The following ARID1B variants were observed in gnomAD, a reference collection of about 807,000 sequenced individuals.
The protein encoded by ARID1B is AT-rich interactive domain-containing protein 1B.
In ARID1B, 30 loss-of-function variants were observed where a neutral mutation model predicts 212.3. That is an observed-to-expected ratio of 0.14 (90% confidence interval 0.11 to 0.19). The LOEUF (loss-of-function observed/expected upper bound fraction) is 0.19. ARID1B is among the 10% of genes least tolerant of loss of function. The probability of loss-of-function intolerance (pLI) is 1.00; values close to 1 mark genes in which losing one functional copy is unlikely to be tolerated. For synonymous variants in ARID1B, 1,402 were observed against 1,301.7 expected (o/e 1.08, Z -1.66); for missense variants, 2,891 against 3,204.0 (o/e 0.90, Z 2.36).
At chr6:156,935,080 A>G (rs189476289) in intron 3 of ARID1B, among the ~76,000 whole-genome samples, 437 of 151,110 alleles carry the variant, frequency 2.9e-3, no homozygotes, top group Middle Eastern at 0.01. Flanking sequence ...TGGTTGTGAT[A>G]AGCTTTTGTT....
intron 2 of ARID1B, among the ~76,000 whole-genome samples, chr6:156,887,816 G>A (rs375304313): frequency 1.6e-4 from 25 of 152,252 alleles, no homozygotes; most frequent in African/African-American, 5.1e-4. Context: ...ACACACGAAT[G>A]AGTAATTTAT....
intron 2 of ARID1B, among the ~76,000 whole-genome samples, chr6:156,837,695 T>C (rs904309670): frequency 6.6e-6 from 1 of 152,150 alleles, no homozygotes; most frequent in African/African-American, 2.4e-5. Context: ...GTGAATGAAA[T>C]TAAGAAAACT....
At chr6:156,974,959 G>A (rs543928166) in intron 4 of ARID1B, among the ~76,000 whole-genome samples, 1 of 152,138 alleles carries the variant, frequency 6.6e-6, no homozygotes, top group Non-Finnish European at 1.5e-5. Flanking sequence ...CCACTTTTCA[G>A]CTATTTTGAA....
chr6:157,067,987 A>G (rs1220815593), intron 4 of ARID1B, among the ~76,000 whole-genome samples: 1 of 152,224 alleles, frequency 6.6e-6, no homozygotes, highest in Non-Finnish European at 1.5e-5. Context: ...TCCTAACTTT[A>G]TAAAATAAAC....
intron 2 of ARID1B, among the ~76,000 whole-genome samples, chr6:156,885,424 TGAG>T (rs1787425681): frequency 2.0e-5 from 3 of 152,218 alleles, no homozygotes; most frequent in South Asian, 4.1e-4. Context: ...AAATATAAAA[TGAG>T]GAGGCAATGG....
chr6:157,006,174 T>C (rs1242048865), intron 4 of ARID1B, among the ~76,000 whole-genome samples: 1 of 152,204 alleles, frequency 6.6e-6, no homozygotes, highest in Non-Finnish European at 1.5e-5. Context: ...AACTAAGATC[T>C]AGAGACCATC....
chr6:156,873,930 A>G (rs1786341146), intron 2 of ARID1B, among the ~76,000 whole-genome samples: 1 of 152,140 alleles, frequency 6.6e-6, no homozygotes, highest in Non-Finnish European at 1.5e-5. Flanking sequence ...CTCCTCAGAA[A>G]CAGCTCTTCC....
At chr6:157,042,440 T>C (rs572249859) in intron 4 of ARID1B, among the ~76,000 whole-genome samples, 1 of 109,496 alleles carries the variant, frequency 9.1e-6, no homozygotes, top group African/African-American at 4.6e-5. Context: ...GTGTTTTGGC[T>C]GACATGTTCT....
chr6:157,080,117 G>A (rs374703760), intron 4 of ARID1B, among the ~76,000 whole-genome samples: 22 of 152,240 alleles, frequency 1.4e-4, no homozygotes, highest in African/African-American at 5.3e-4. Flanking sequence ...TTATCCTCAT[G>A]CTCTCCTGGG....
chr6:157,040,364 T>G (rs1781806382), intron 4 of ARID1B, among the ~76,000 whole-genome samples: 1 of 152,242 alleles, frequency 6.6e-6, no homozygotes. Flanking sequence ...GTCACTGTGG[T>G]AACACATGGC....
At chr6:157,142,694 G>A (rs1789462400) in intron 7 of ARID1B, among the ~76,000 whole-genome samples, 1 of 152,088 alleles carries the variant, frequency 6.6e-6, no homozygotes, top group Non-Finnish European at 1.5e-5. Flanking sequence ...TATAAAAATG[G>A]TAAACATCAC....
rs766604938 is a variant in ARID1B at position 157,190,317 on chromosome 6, C to T, written c.4231+107C>T. The T allele has an allele frequency of 5.3e-6, 7 of 1,330,900 alleles. No individual in the cohort carries two copies. Among genetic ancestry groups the T allele is most frequent in the Non-Finnish European group, 7.0e-6 (7 of 996,090 alleles). 82.4% of individuals were successfully genotyped at this position (1,330,900 alleles called of 1,614,324 possible). On this transcript the variant is annotated intron_variant, in intron 15 of 19. Transcript: ENST00000636930. The surrounding 1 kb of genome is among the most constrained non-coding windows in gnomAD (Gnocchi z 4.6). ...TCAGAACACCTCTGAGCCCATGCTG[C>T]ATCGGTGTGGGTCCCAGGTCCCCAT...
At chr6:156,961,812 A>G (rs1043293679) in intron 4 of ARID1B, among the ~76,000 whole-genome samples, 9 of 152,178 alleles carry the variant, frequency 5.9e-5, no homozygotes, top group Admixed American at 5.9e-4. Flanking sequence ...TTACTGAGGA[A>G]TGTATTTTTA....
At chr6:157,117,861 CT>C (rs1051261670) in intron 6 of ARID1B, among the ~76,000 whole-genome samples, 2 of 152,204 alleles carry the variant, frequency 1.3e-5, no homozygotes, top group Admixed American at 6.5e-5. Flanking sequence ...CTGCTCCCCC[CT>C]GCCTCTGTTC....
chr6:156,946,585 C>T (rs765768937), intron 4 of ARID1B, among the ~76,000 whole-genome samples: 12 of 151,904 alleles, frequency 7.9e-5, no homozygotes, highest in Non-Finnish European at 1.6e-4. Context: ...ACTTCATTTT[C>T]GAAATGCTGT....
At chr6:157,013,670 T>G (rs115943564) in intron 4 of ARID1B, among the ~76,000 whole-genome samples, 1,700 of 152,340 alleles carry the variant, frequency 0.011, 25 homozygotes, top group African/African-American at 0.039. Context: ...TGGTTGAATG[T>G]GTACTGAAGG....
At chr6:156,779,737 C>G (rs920138047) in intron 1 of ARID1B, 17 of 159,192 alleles carry the variant, frequency 1.1e-4, no homozygotes, top group East Asian at 3.8e-4. Context: ...CGCGTCCCCC[C>G]CCTCCCCCAG....
intron 5 of ARID1B, among the ~76,000 whole-genome samples, chr6:157,087,447 TAAAGATG>T (rs1482504073): frequency 2.0e-5 from 3 of 152,314 alleles, no homozygotes; most frequent in Admixed American, 6.5e-5. Context: ...TCTGCATCTG[TAAAGATG>T]ATAACCCCAC....
At chr6:157,135,546 C>T (rs927643646) in intron 7 of ARID1B, among the ~76,000 whole-genome samples, 4 of 152,160 alleles carry the variant, frequency 2.6e-5, no homozygotes, top group African/African-American at 9.7e-5. Flanking sequence ...CACCTTGTTC[C>T]CCTCCAAGGC....
Sources: gnomAD v4.1 joint callset for allele counts (sites outside exome capture counted in the v4.1 genomes callset) on GRCh38, gnomAD v4.1.1 for gene constraint, Gnocchi (gnomAD v3.1) non-coding constraint, MANE v1.5 for transcripts, NCBI Gene and HGNC (gene_info 2026-07-23, HGNC 2026-07-21) for gene names.